The following MRM1 variants were observed in gnomAD, a reference collection of about 807,000 sequenced individuals.
MRM1 encodes rRNA methyltransferase 1, mitochondrial.
In MRM1, 24 loss-of-function variants were observed where a neutral mutation model predicts 25.0. The ratio of observed to expected loss-of-function variants is 0.96; its 90% CI spans 0.69 to 1.35. MRM1 has a LOEUF of 1.35. Ranked by LOEUF, MRM1 falls within the 40% of genes most tolerant of loss-of-function variation. MRM1 has a pLI of 0.00. For missense variants in MRM1, 431 were observed against 464.1 expected (o/e 0.93, Z 0.65); for synonymous variants, 188 against 199.2 (o/e 0.94, Z 0.47).
chr17:36,620,505 A>G, the MRM1 span, among the ~76,000 whole-genome samples: 1 of 152,228 alleles, frequency 6.6e-6, no homozygotes, highest in African/African-American at 2.4e-5. Context: ...AAGCAGCTCA[A>G]TCTAGCAAGA....
chr17:36,633,087 C>A, the MRM1 span, among the ~76,000 whole-genome samples: 1 of 152,160 alleles, frequency 6.6e-6, no homozygotes, highest in Non-Finnish European at 1.5e-5. Flanking sequence ...CCCTTGAATC[C>A]CCGATTTGCT....
chr17:36,601,753 G>T lies in MRM1; in HGVS notation c.-58G>T, dbSNP rs902841661. 9.4e-6 allele frequency: 14 copies of T among 1,488,636 alleles called. No individual in the cohort carries two copies. The highest frequency in any genetic ancestry group is 1.3e-5 in the South Asian group (1 of 75,602). The allele number at this position is 1,488,636 out of a possible 1,614,324, so 92.2% of individuals were successfully genotyped here. A position where few individuals can be genotyped will look rare whatever the true frequency, so the allele number is the denominator to read the frequency against. On this transcript the variant is annotated 5_prime_UTR_variant, in exon 1 of 5. Transcript: ENST00000614766. ...GGAGCCTGGGAGCGAACTGCGGCGCGGGTTACCGCTCCCGGGGACGCAGCA... is the reference window on the plus strand; with the variant it reads ...GGAGCCTGGGAGCGAACTGCGGCGCTGGTTACCGCTCCCGGGGACGCAGCA...
the MRM1 span, among the ~76,000 whole-genome samples, chr17:36,632,876 TGGCATGGGCAAA>T: frequency 6.6e-6 from 1 of 152,048 alleles, no homozygotes; most frequent in Admixed American, 6.6e-5. Flanking sequence ...GTGGGAGGAA[TGGCATGGGCAAA>T]GGCCTTCAGT....
At chr17:36,608,140 A>C in intron 4 of MRM1, 103 bp from the exon 5 acceptor site, 4 of 1,525,732 alleles carry the variant, frequency 2.6e-6, no homozygotes, top group Non-Finnish European at 3.5e-6. Flanking sequence ...AAAATGGGGA[A>C]ATTACATCCC....
At chr17:36,606,631 T>A (rs569009056) in intron 2 of MRM1, among the ~76,000 whole-genome samples, 1 of 146,626 alleles carries the variant, frequency 6.8e-6, no homozygotes, top group South Asian at 2.1e-4. Context: ...TGAGACAGAG[T>A]GGAGTCTCGC....
the MRM1 span, among the ~76,000 whole-genome samples, chr17:36,624,018 CCTTGGATTCAT>C: frequency 6.6e-6 from 1 of 152,180 alleles, no homozygotes; most frequent in East Asian, 1.9e-4. The surrounding 1 kb of genome is among the most constrained non-coding windows in gnomAD (Gnocchi z 4.0). Context: ...TGTGGCCAAG[CCTTGGATTCAT>C]TGATTAAAGT....
At position 36,602,127 on chromosome 17, in the gene MRM1, A is replaced by C; in HGVS notation, c.317A>C (p.Lys106Thr). Residue 106 changes from lysine to threonine, a missense_variant, in exon 1 of 5, where the codon AAA becomes ACA. Lys to Thr is a moderately conservative substitution (Grantham distance 78). Coordinates refer to ENST00000614766, the MANE Select transcript of MRM1 (RefSeq NM_024864.5). This position sits in a 1 kb window ranked among gnomAD's most constrained non-coding sequence, Gnocchi z 4.1. ...DIPVLRPRRQ[K>T]LDTMCRYQVH... is the part of the protein sequence containing the mutation. ...CCAGTTCTGCGGCCCAGACGGCAGA[A>C]ACTGGACACAATGTGCCGCTACCAG... The C allele has an allele frequency of 1.9e-6, 3 of 1,612,838 alleles. No individual in the cohort carries two copies. The highest frequency in any genetic ancestry group is 3.3e-5 in the Admixed American group (2 of 60,032).
rs1377249538 is a variant in MRM1 at position 36,602,740 on chromosome 17, C to T, written c.636+94C>T. On this transcript the variant is annotated intron_variant, in intron 2 of 4. Transcript: ENST00000614766. The surrounding 1 kb of genome is among the most constrained non-coding windows in gnomAD (Gnocchi z 4.1). ...GCCCCTGGCGAGGGAGAGAAAGGGG[C>T]ATGTTGGCACCGCTTCCTTTGGCCT... 2 of 1,450,662 alleles carry T rather than the reference C, an allele frequency of 1.4e-6. No homozygotes were observed. The highest frequency in any genetic ancestry group is 2.8e-5 in the African/African-American group (2 of 71,594). The allele number at this position is 1,450,662 out of a possible 1,614,324, so 89.9% of individuals were successfully genotyped here.
chr17:36,622,029 G>T, the MRM1 span, among the ~76,000 whole-genome samples: 1 of 152,124 alleles, frequency 6.6e-6, no homozygotes, highest in Non-Finnish European at 1.5e-5. Context: ...ACTGCAGGGG[G>T]CATGGGGGGC....
At chr17:36,633,881 TG>T in the MRM1 span, among the ~76,000 whole-genome samples, 3 of 152,182 alleles carry the variant, frequency 2.0e-5, no homozygotes, top group Non-Finnish European at 4.4e-5. Context: ...GTCTCTCTCA[TG>T]GTCTCTGAAG....
At chr17:36,622,653 A>G in the MRM1 span, among the ~76,000 whole-genome samples, 1 of 152,094 alleles carries the variant, frequency 6.6e-6, no homozygotes, top group Non-Finnish European at 1.5e-5. Flanking sequence ...CCCTAATCTG[A>G]ACTAAAGGGT....
At chr17:36,630,770 G>C in the MRM1 span, among the ~76,000 whole-genome samples, 1 of 152,186 alleles carries the variant, frequency 6.6e-6, no homozygotes, top group South Asian at 2.1e-4. Flanking sequence ...GATGGGCAGG[G>C]AAAGGTCTGG....
At chr17:36,627,489 G>A in the MRM1 span, among the ~76,000 whole-genome samples, 1 of 152,140 alleles carries the variant, frequency 6.6e-6, no homozygotes, top group South Asian at 2.1e-4. Context: ...TCTCCACCTG[G>A]TTACCCCTGG....
In MRM1 at chr17:36,601,875, A is replaced by T. The variant is rs753441297; in HGVS notation, c.65A>T (p.His22Leu). 76 of 1,607,792 alleles carry T rather than the reference A, an allele frequency of 4.7e-5. No individual in the cohort carries two copies. Among genetic ancestry groups the T allele is most frequent in the Non-Finnish European group, 6.3e-5 (74 of 1,178,582 alleles). The part of the protein sequence containing the change: ...WGRLVTRHFS[H>L]AARHGERPGG... ...CGCCTCGTCACCCGTCATTTCTCCC[A>T]TGCAGCGCGGCATGGGGAGCGGCCT... The change falls in exon 1 of 5, where the codon CAT becomes CTT. Residue 22 changes from histidine to leucine, a missense_variant. Transcript: ENST00000614766.
the MRM1 span, among the ~76,000 whole-genome samples, chr17:36,623,382 C>T: frequency 1.3e-5 from 2 of 152,212 alleles, no homozygotes; most frequent in Non-Finnish European, 2.9e-5. Context: ...TGCAATTAAA[C>T]TCTGAAATTT....
Position 36,607,716 on chromosome 17 carries a change from C to A in MRM1, c.683C>A (p.Pro228Gln), listed in dbSNP as rs2074942957. 2 of 1,614,084 alleles carry A rather than the reference C, an allele frequency of 1.2e-6. No individual in the cohort carries two copies. The highest frequency in any genetic ancestry group is 1.3e-5 in the African/African-American group (1 of 74,948). Residue 228 changes from proline to glutamine, a missense_variant, in exon 3 of 5, where the codon CCA becomes CAA. Transcript: ENST00000614766. ...CTCGTGGCCGGCACGGTGGGCTGCC[C>A]AAGCACAGAGGATCCCCAGTCCTCC... The part of the protein sequence containing the change: ...GWLVAGTVGC[P>Q]STEDPQSSEI...
At chr17:36,629,786 AGGGCCT>A in the MRM1 span, among the ~76,000 whole-genome samples, 1 of 152,188 alleles carries the variant, frequency 6.6e-6, no homozygotes, top group African/African-American at 2.4e-5. Context: ...CAGCCAGTTA[AGGGCCT>A]GGGGAAGGTT....
In MRM1 at chr17:36,602,467, C is replaced by A; in HGVS notation, c.543-86C>A. ...GACTTACCTGTCCCAGAACTCTCAT[C>A]CCCCTAGCCCTTGGGAGCCCTGGGA... On this transcript the variant is annotated intron_variant, in intron 1 of 4. Coordinates refer to ENST00000614766, the MANE Select transcript of MRM1 (RefSeq NM_024864.5). This position sits in a 1 kb window ranked among gnomAD's most constrained non-coding sequence, Gnocchi z 4.1. The A allele has an allele frequency of 6.3e-7, 1 of 1,594,608 alleles. No individual in the cohort carries two copies. The highest frequency in any genetic ancestry group is 1.1e-5 in the South Asian group (1 of 89,296).
downstream of MRM1, among the ~76,000 whole-genome samples, chr17:36,611,956 AG>A (rs1297849776): frequency 0.41 from 62,100 of 151,844 alleles, 14,029 homozygotes; most frequent in African/African-American, 0.6. Flanking sequence ...ACACACGCAC[AG>A]TTGTTTCTGT....
Sources: gnomAD v4.1 joint callset for allele counts (sites outside exome capture counted in the v4.1 genomes callset) on GRCh38, gnomAD v4.1.1 for gene constraint, Gnocchi (gnomAD v3.1) non-coding constraint, MANE v1.5 for transcripts, NCBI Gene and HGNC (gene_info 2026-07-23, HGNC 2026-07-21) for gene names.